The following DLGAP2 variants were observed in gnomAD, a reference collection of about 807,000 sequenced individuals.
DLGAP2 encodes the protein DLG associated protein 2, also known as disks large-associated protein 2.
In DLGAP2, 26 loss-of-function variants were observed where a neutral mutation model predicts 100.3. The ratio of observed to expected loss-of-function variants is 0.26; its 90% CI spans 0.19 to 0.36. DLGAP2 has a LOEUF of 0.36. Ranked by LOEUF, DLGAP2 falls within the 10% of genes least tolerant of loss-of-function variation. The pLI is 1.00. For synonymous variants in DLGAP2, 886 were observed against 630.1 expected, an observed-to-expected ratio of 1.41 and a Z score of -6.08; for missense variants, 1,858 against 1,453.2, an observed-to-expected ratio of 1.28 and a Z score of -4.53.
Position 1,565,664 on chromosome 8 carries a change from C to G in DLGAP2, c.1231-19C>G, listed in dbSNP as rs569893378. ...TCAGTGACAAAGTTGATGCGTGTTT[C>G]ATGTCTGTCTGCTCCCAGGTACCTC... On this transcript the variant is annotated intron_variant, in intron 5 of 14. Coordinates refer to ENST00000637795, the MANE Select transcript of DLGAP2 (RefSeq NM_001346810.2). The G allele has an allele frequency of 6.3e-7, 1 of 1,598,522 alleles. No individual in the cohort carries two copies. The highest frequency in any genetic ancestry group is 8.5e-7 in the Non-Finnish European group (1 of 1,170,390).
intron 3 of DLGAP2, among the ~76,000 whole-genome samples, chr8:1,384,202 T>G (rs1319882352): frequency 6.6e-6 from 1 of 152,270 alleles, no homozygotes; most frequent in Non-Finnish European, 1.5e-5. Flanking sequence ...AGGGATGAAG[T>G]GGCCTTGGAT....
chr8:1,489,549 A>T (rs777044447), intron 3 of DLGAP2, among the ~76,000 whole-genome samples: 22 of 152,240 alleles, frequency 1.4e-4, no homozygotes, highest in Non-Finnish European at 2.9e-4. Flanking sequence ...GTCTTTTCCA[A>T]AGACTGTTGG....
In DLGAP2 at chr8:1,145,948, A is replaced by C. The variant is rs1238535285; in HGVS notation, c.74-112903A>C. ...TCCCTACAAAGGACATGAACTCATC[A>C]TTTTTTATGGCTGCATAGTATTCCA... is the stretch of plus-strand genomic sequence containing the variant. On this transcript the variant is annotated intron_variant, in intron 2 of 14. Coordinates refer to ENST00000637795, the MANE Select transcript of DLGAP2 (RefSeq NM_001346810.2). Among the ~76,000 whole-genome samples the C allele has an allele frequency of 3.3e-5, 5 of 151,674 alleles. No homozygotes were observed. In the South Asian group the frequency reaches 8.3e-4, roughly 25 times the overall value.
chr8:1,297,058 G>A (rs996295500), intron 3 of DLGAP2: 1 of 152,324 alleles, frequency 6.6e-6, no homozygotes, highest in African/African-American at 2.4e-5. Context: ...GCACAGAGCA[G>A]GTTCCCAGCA....
chr8:782,644 A>C (rs1220521739), intron 1 of DLGAP2, among the ~76,000 whole-genome samples: 1 of 152,206 alleles, frequency 6.6e-6, no homozygotes, highest in Non-Finnish European at 1.5e-5. Flanking sequence ...GGCAGAGTTT[A>C]TGTGTCAAGG....
chr8:1,027,651 C>T (rs1266599362), intron 2 of DLGAP2, among the ~76,000 whole-genome samples: 59 of 117,778 alleles, frequency 5.0e-4, no homozygotes, highest in East Asian at 1.7e-3. Flanking sequence ...AGGTGGGGTA[C>T]CAGGCGCCCG....
intron 1 of DLGAP2, among the ~76,000 whole-genome samples, chr8:875,296 C>G (rs2128992321): frequency 6.6e-6 from 1 of 152,064 alleles, no homozygotes; most frequent in Non-Finnish European, 1.5e-5. Context: ...CTTTTTTCCC[C>G]TCATATGTCT....
intron 3 of DLGAP2, among the ~76,000 whole-genome samples, chr8:1,372,202 G>T (rs569440064): frequency 3.0e-4 from 45 of 152,020 alleles, no homozygotes; most frequent in African/African-American, 1.1e-3. Flanking sequence ...GCAGGTCACC[G>T]TGCTGCCAAC....
At chr8:1,339,059 G>C (rs551848436) in intron 3 of DLGAP2, among the ~76,000 whole-genome samples, 1 of 151,980 alleles carries the variant, frequency 6.6e-6, no homozygotes. Context: ...AGTGACCTCA[G>C]TGAGGCATCA....
At chr8:1,077,790 C>G (rs182778786) in intron 2 of DLGAP2, among the ~76,000 whole-genome samples, 1 of 152,216 alleles carries the variant, frequency 6.6e-6, no homozygotes, top group South Asian at 2.1e-4. Context: ...ATCAAACTCC[C>G]CTTTTCCACA....
intron 2 of DLGAP2, among the ~76,000 whole-genome samples, chr8:1,154,164 A>G (rs1021854919): frequency 2.6e-5 from 4 of 152,192 alleles, no homozygotes; most frequent in Admixed American, 2.6e-4. Flanking sequence ...GTAAAGATCG[A>G]ATGCCTCGAG....
intron 5 of DLGAP2, among the ~76,000 whole-genome samples, chr8:1,564,573 T>A (rs1358413558): frequency 6.6e-6 from 1 of 152,228 alleles, no homozygotes; most frequent in African/African-American, 2.4e-5. Context: ...CCCAGTTCTG[T>A]GCCTGGCAGA....
intron 6 of DLGAP2, among the ~76,000 whole-genome samples, chr8:1,594,002 G>C (rs1796368913): frequency 6.6e-6 from 1 of 152,206 alleles, no homozygotes; most frequent in Non-Finnish European, 1.5e-5. Flanking sequence ...GGAGGACAGA[G>C]ATGACAGCTT....
chr8:1,275,793 TATAA>T (rs1231147848), intron 3 of DLGAP2, among the ~76,000 whole-genome samples: 11 of 126,996 alleles, frequency 8.7e-5, no homozygotes, highest in East Asian at 2.1e-4. Context: ...ATATATAATA[TATAA>T]ATAAATATAT....
At chr8:1,635,325 G>A (rs539385557) in intron 8 of DLGAP2, among the ~76,000 whole-genome samples, 16 of 152,308 alleles carry the variant, frequency 1.1e-4, no homozygotes, top group Admixed American at 7.2e-4. Flanking sequence ...TAGGTGCCTC[G>A]ATAATTGTGA....
At chr8:1,464,611 G>A (rs1325798503) in intron 3 of DLGAP2, among the ~76,000 whole-genome samples, 1 of 149,848 alleles carries the variant, frequency 6.7e-6, no homozygotes, top group Non-Finnish European at 1.5e-5. Context: ...GAGCTCCCAG[G>A]CAGCTAGTCA....
At chr8:1,074,959 A>G (rs937582524) in intron 2 of DLGAP2, among the ~76,000 whole-genome samples, 1 of 149,990 alleles carries the variant, frequency 6.7e-6, no homozygotes, top group Non-Finnish European at 1.5e-5. Context: ...CTCACCAACA[A>G]ACAGTGCAGC....
chr8:1,055,887 T>C (rs1802868086), intron 2 of DLGAP2, among the ~76,000 whole-genome samples: 1 of 152,220 alleles, frequency 6.6e-6, no homozygotes, highest in South Asian at 2.1e-4. Context: ...TATGGATCTC[T>C]GCTTCTCAAT....
At chr8:951,905 C>G (rs1419813006) in intron 2 of DLGAP2, among the ~76,000 whole-genome samples, 2 of 152,230 alleles carry the variant, frequency 1.3e-5, no homozygotes, top group African/African-American at 2.4e-5. Context: ...TCATTGGAAC[C>G]ACTTGGAAGC....
Sources: gnomAD v4.1 joint callset for allele counts (sites outside exome capture counted in the v4.1 genomes callset) on GRCh38, gnomAD v4.1.1 for gene constraint, MANE v1.5 for transcripts, NCBI Gene and HGNC (gene_info 2026-07-23, HGNC 2026-07-21) for gene names.